POLN: variants seen among roughly 807,000 people sequenced by gnomAD.
POLN encodes the protein DNA polymerase N.
POLN carries 108 observed loss-of-function variants against 113.5 expected under a neutral mutation model. The ratio of observed to expected loss-of-function variants is 0.95; its 90% CI spans 0.81 to 1.12. The LOEUF (loss-of-function observed/expected upper bound fraction) is 1.12. Among genes scored for constraint, POLN ranks in the 50% most tolerant of loss-of-function variants. The pLI is 0.00. For synonymous variants in POLN, 386 were observed against 391.5 expected (o/e 0.99, Z 0.17); for missense variants, 1,097 against 1,077.1 (o/e 1.02, Z -0.26).
At chr4:2,232,264 C>A in intron 2 of POLN, 1 of 534,196 alleles carries the variant, frequency 1.9e-6, no homozygotes, top group Non-Finnish European at 3.2e-6. Context: ...GACTTAATAA[C>A]TTCCCGCAAT....
chr4:2,129,147 G>T, intron 18 of POLN, 32 bp downstream of exon 18: 1 of 1,488,190 alleles, frequency 6.7e-7, no homozygotes. Context: ...TGAACCCTAT[G>T]AAAATGCATA....
intron 7 of POLN, among the ~76,000 whole-genome samples, chr4:2,182,168 G>C (rs1379729242): frequency 6.6e-6 from 1 of 152,166 alleles, no homozygotes; most frequent in East Asian, 1.9e-4. Flanking sequence ...ACTAAGAATG[G>C]TGTTGGATAC....
chr4:2,210,071 G>T (rs1733954704), intron 4 of POLN, among the ~76,000 whole-genome samples: 1 of 150,574 alleles, frequency 6.6e-6, no homozygotes, highest in Admixed American at 6.6e-5. Flanking sequence ...AATTTTGAAA[G>T]AAAATGTTTT....
At chr4:2,148,526 G>A (rs759957709) in intron 16 of POLN, among the ~76,000 whole-genome samples, 9 of 152,040 alleles carry the variant, frequency 5.9e-5, no homozygotes, top group Non-Finnish European at 1.0e-4. Context: ...AATTAGCTGG[G>A]CATGGTGGCA....
chr4:2,163,504 G>A (rs768606911), intron 13 of POLN, among the ~76,000 whole-genome samples: 2 of 152,252 alleles, frequency 1.3e-5, no homozygotes, highest in Admixed American at 6.5e-5. Context: ...GGGCTCACCC[G>A]CGCTCTGCGC....
At chr4:2,174,823 A>AAT in intron 9 of POLN, 72 bp from the exon 10 acceptor site, 1 of 1,091,656 alleles carries the variant, frequency 9.2e-7, no homozygotes, top group Non-Finnish European at 1.3e-6. Flanking sequence ...TGAAAAGCCT[A>AAT]CTTTTTTTTT....
At chr4:2,123,508 T>G (rs1731498704) in intron 19 of POLN, among the ~76,000 whole-genome samples, 1 of 150,008 alleles carries the variant, frequency 6.7e-6, no homozygotes, top group Non-Finnish European at 1.5e-5. Flanking sequence ...ATACCTGTAA[T>G]CCCAGCTACT....
At chr4:2,232,257 TTAA>T (rs1577793328) in intron 2 of POLN, 2 of 565,326 alleles carry the variant, frequency 3.5e-6, no homozygotes, top group East Asian at 3.4e-5. Context: ...TTTAAAGGAC[TTAA>T]TAACTTCCCG....
chr4:2,090,049 T>C, intron 20 of POLN: 1 of 895,120 alleles, frequency 1.1e-6, no homozygotes, highest in Non-Finnish European at 1.8e-6. Flanking sequence ...TGAAGAATTA[T>C]GAGATAATCC....
rs1731582027 is a variant in POLN at position 2,126,479 on chromosome 4, G to T, written c.1982+1634C>A. 6.6e-6 allele frequency among the ~76,000 whole-genome samples: 1 copy of T among 152,184 alleles called. No individual in the cohort carries two copies. Among genetic ancestry groups the T allele is most frequent in the Non-Finnish European group, 1.5e-5 (1 of 68,040 alleles). On this transcript the variant is annotated intron_variant, in intron 19 of 25. Transcript: ENST00000511885. This position sits in a 1 kb window ranked among gnomAD's most constrained non-coding sequence, Gnocchi z 4.6. ...CACAGTAGGGACGAGGGTGGATGAG[G>T]TCTCGGCCCCTGGGCGCTGTCGCTG...
chr4:2,177,313 T>A, intron 8 of POLN: 1 of 484,044 alleles, frequency 2.1e-6, no homozygotes, highest in Admixed American at 2.1e-5. Flanking sequence ...AGGTTGGTCT[T>A]GCTGTCCTCC....
At chr4:2,142,820 T>C (rs528168133) in intron 16 of POLN, among the ~76,000 whole-genome samples, 4 of 151,906 alleles carry the variant, frequency 2.6e-5, no homozygotes, top group African/African-American at 9.7e-5. Flanking sequence ...TGATTGTGGT[T>C]TTTTTTTAAT....
intron 23 of POLN, chr4:2,079,282 G>A: frequency 1.1e-5 from 5 of 436,262 alleles, no homozygotes; most frequent in Non-Finnish European, 1.5e-5. Context: ...ACCACCATTT[G>A]GCTTTCAGTT....
rs1391938298 is a variant in POLN, at chr4:2,202,251, C to T, written c.715-3534G>A. 2.0e-5 allele frequency among the ~76,000 whole-genome samples: 3 copies of T among 152,132 alleles called. No homozygotes were observed. The East Asian group carries it at 5.8e-4, about 29-fold the overall frequency. ...GCTCCACTTAAAAGATACAGAATTG[C>T]AGAATGGATAAGAATTCACCAACCA... On this transcript the variant is annotated intron_variant, in intron 5 of 25. Transcript: ENST00000511885.
chr4:2,175,310 T>C (rs951783968), intron 9 of POLN, among the ~76,000 whole-genome samples: 4 of 152,082 alleles, frequency 2.6e-5, no homozygotes, highest in East Asian at 1.9e-4. Flanking sequence ...AAGTCAAACA[T>C]TGGAAGTGGA....
At chr4:2,239,031 C>G (rs1427475193) in intron 2 of POLN, 1 of 1,529,784 alleles carries the variant, frequency 6.5e-7, no homozygotes, top group South Asian at 1.3e-5. Flanking sequence ...TCCAAATTTT[C>G]TTTGTCCACA....
chr4:2,135,525 T>C (rs907376006), intron 16 of POLN, among the ~76,000 whole-genome samples: 10 of 152,144 alleles, frequency 6.6e-5, no homozygotes, highest in African/African-American at 2.2e-4. Flanking sequence ...TCAGACAGAG[T>C]GCCGTCCCTA....
chr4:2,173,985 C>T lies in POLN; in HGVS notation c.1344G>A (p.Glu448=), dbSNP rs1486223092. The stretch of plus-strand genomic sequence containing the variant: ...GAAGTGCTGACGTCTTCTCCATCTC[C>T]TCTTTGTTCACCTGAATGGCATGGC... The part of the protein sequence containing the change: ...MESHAIQVNK[E]EMEKTSALLG... Residue 448 remains glutamate (E), a synonymous_variant, in exon 11 of 26, where the codon GAG becomes GAA. Coordinates refer to ENST00000511885, the MANE Select transcript of POLN (RefSeq NM_181808.4). The T allele has an allele frequency of 1.9e-6, 3 of 1,614,222 alleles. No homozygotes were observed. The highest frequency in any genetic ancestry group is 1.1e-5 in the South Asian group (1 of 91,090).
At chr4:2,164,212 G>C (rs1181778130) in intron 13 of POLN, among the ~76,000 whole-genome samples, 1 of 152,294 alleles carries the variant, frequency 6.6e-6, no homozygotes, top group Middle Eastern at 3.4e-3. Context: ...AGCTAAAAGA[G>C]TGATCTTGGC....
Sources: gnomAD v4.1 joint callset for allele counts (sites outside exome capture counted in the v4.1 genomes callset) on GRCh38, gnomAD v4.1.1 for gene constraint, Gnocchi (gnomAD v3.1) non-coding constraint, MANE v1.5 for transcripts, NCBI Gene and HGNC (gene_info 2026-07-23, HGNC 2026-07-21) for gene names.